PTPRB: variants seen among roughly 807,000 people sequenced by gnomAD.
PTPRB encodes receptor-type tyrosine-protein phosphatase beta.
In PTPRB, 97 loss-of-function variants were observed where a neutral mutation model predicts 238.1. The ratio of observed to expected loss-of-function variants is 0.41; its 90% CI spans 0.35 to 0.48. The LOEUF (loss-of-function observed/expected upper bound fraction) is 0.48. Among genes scored for constraint, PTPRB ranks in the 20% least tolerant of loss-of-function variants. The probability of loss-of-function intolerance (pLI) is 0.30; values close to 1 mark genes in which losing one functional copy is unlikely to be tolerated. For synonymous variants in PTPRB, 970 were observed against 995.4 expected (o/e 0.97, Z 0.48); for missense variants, 2,292 against 2,681.9 (o/e 0.85, Z 3.21).
chr12:70,592,221 T>G (rs547007207), intron 7 of PTPRB, 61 bp downstream of exon 7: 1 of 1,608,996 alleles, frequency 6.2e-7, no homozygotes, highest in African/African-American at 1.3e-5. Context: ...TTTGTCCTAT[T>G]TTAAGGTGGA....
chr12:70,555,787 A>T lies in PTPRB; in HGVS notation c.4993+83T>A. The T allele has an allele frequency of 2.0e-6, 3 of 1,486,310 alleles. No individual in the cohort carries two copies. In the South Asian group the frequency reaches 3.9e-5, roughly 19 times the overall value. 92.1% of individuals were successfully genotyped at this position (1,486,310 alleles called of 1,614,324 possible). A position where few individuals can be genotyped will look rare whatever the true frequency, so the allele number is the denominator to read the frequency against. On this transcript the variant is annotated intron_variant, in intron 19 of 33. Coordinates refer to ENST00000334414, the MANE Select transcript of PTPRB (RefSeq NM_001109754.4). Reference sequence around the variant, plus strand: ...AGTGAAGTGTATGCAAGTGAATAGCAGTGATGGATATGATAGAGAAAGGTG... The same window carrying T: ...AGTGAAGTGTATGCAAGTGAATAGCTGTGATGGATATGATAGAGAAAGGTG...
chr12:70,528,421 T>C (rs1872707997), intron 32 of PTPRB, among the ~76,000 whole-genome samples: 1 of 151,960 alleles, frequency 6.6e-6, no homozygotes, highest in Non-Finnish European at 1.5e-5. Context: ...CGAAGGATCA[T>C]TAGGGCAGAG....
rs80004383 is a variant in PTPRB at position 70,526,589 on chromosome 12, A to C, written c.6505-1998T>G. 6.9e-3 allele frequency among the ~76,000 whole-genome samples: 1,046 copies of C among 152,282 alleles called. 14 individuals are homozygous for C. The highest frequency in any genetic ancestry group is 0.024 in the African/African-American group (982 of 41,534). On this transcript the variant is annotated intron_variant, in intron 32 of 33. Transcript: ENST00000334414. ...CTATTCTCTGCTTTTCTGCTCACAG[A>C]CCTTTGTCATTTATTATGAATGTTA... is the stretch of plus-strand genomic sequence containing the variant.
chr12:70,517,288 A>AC lies in PTPRB; in HGVS notation c.*4200dup, dbSNP rs1395825245. The AC allele has an allele frequency of 1.3e-5, 2 of 152,354 alleles. No homozygotes were observed. Among genetic ancestry groups the AC allele is most frequent in the African/African-American group, 4.8e-5 (2 of 41,586 alleles). The allele number at this position is 152,354 out of a possible 1,614,324, so 9.4% of individuals were successfully genotyped here. On this transcript the variant is annotated 3_prime_UTR_variant, in exon 34 of 34. Coordinates refer to ENST00000334414, the MANE Select transcript of PTPRB (RefSeq NM_001109754.4). ...CAACATGTCCTAATAGAAACGTGTG[A>AC]CAGGATTGTCCAAGCACACCCAGGC...
At chr12:70,631,578 T>A (rs1357528401) in intron 2 of PTPRB, among the ~76,000 whole-genome samples, 1 of 151,652 alleles carries the variant, frequency 6.6e-6, no homozygotes. Context: ...AATAGACAAA[T>A]GGGATCTAAT....
Position 70,581,372 on chromosome 12 carries a change from C to A in PTPRB, c.2312-70G>T, listed in dbSNP as rs1881377190. On this transcript the variant is annotated intron_variant, in intron 9 of 33. Coordinates refer to ENST00000334414, the MANE Select transcript of PTPRB (RefSeq NM_001109754.4). The stretch of plus-strand genomic sequence containing the variant: ...TTAAGAAAGTGTAAGAAAAATGAGT[C>A]AAAAAATGGAGACAGACTTGAAAGT... 24 of 1,453,378 alleles carry A rather than the reference C, an allele frequency of 1.7e-5. No individual in the cohort carries two copies. In the South Asian group the frequency reaches 3.0e-4, roughly 18 times the overall value. The allele number at this position is 1,453,378 out of a possible 1,614,324, so 90.0% of individuals were successfully genotyped here.
intron 3 of PTPRB, among the ~76,000 whole-genome samples, chr12:70,610,191 G>A (rs780815261): frequency 2.4e-4 from 36 of 152,196 alleles, no homozygotes; most frequent in Non-Finnish European, 1.5e-5. Context: ...CAACGCCTGA[G>A]CCTGCCAAGG....
At chr12:70,539,325 A>G in intron 26 of PTPRB, 1 of 536,806 alleles carries the variant, frequency 1.9e-6, no homozygotes, top group South Asian at 2.7e-5. Context: ...AGCCAAGCAA[A>G]TGGCCAGGCT....
chr12:70,626,061 A>G (rs976856848), intron 2 of PTPRB, among the ~76,000 whole-genome samples: 4 of 152,200 alleles, frequency 2.6e-5, no homozygotes, highest in Admixed American at 6.6e-5. Flanking sequence ...TAAAGATAAT[A>G]TATTGTGTAA....
At chr12:70,557,670 G>T (rs2136317349) in intron 18 of PTPRB, among the ~76,000 whole-genome samples, 1 of 152,328 alleles carries the variant, frequency 6.6e-6, no homozygotes. Flanking sequence ...CCATTTGGCT[G>T]TGTAAGAAAT....
At chr12:70,531,649 C>T (rs1317914958) in intron 32 of PTPRB, among the ~76,000 whole-genome samples, 2 of 152,038 alleles carry the variant, frequency 1.3e-5, no homozygotes, top group Non-Finnish European at 2.9e-5. Flanking sequence ...TCAAAAATGC[C>T]CTGCAAATGT....
chr12:70,595,906 C>T (rs1882968407), intron 5 of PTPRB, 143 bp downstream of exon 5: 4 of 801,632 alleles, frequency 5.0e-6, no homozygotes, highest in African/African-American at 3.5e-5. Context: ...CCACTGTATC[C>T]CACAAGCTCC....
At chr12:70,564,736 G>C (rs1428993207) in intron 15 of PTPRB, among the ~76,000 whole-genome samples, 1 of 151,740 alleles carries the variant, frequency 6.6e-6, no homozygotes, top group Non-Finnish European at 1.5e-5. Context: ...GGGAGGTTGA[G>C]ATGGGAGGAT....
At chr12:70,582,721 A>G (rs947682744) in intron 9 of PTPRB, among the ~76,000 whole-genome samples, 1 of 152,118 alleles carries the variant, frequency 6.6e-6, no homozygotes, top group Non-Finnish European at 1.5e-5. Context: ...CTAGGAGAAA[A>G]CCTTTGTGAC....
intron 2 of PTPRB, among the ~76,000 whole-genome samples, chr12:70,627,190 G>T (rs79822877): frequency 0.031 from 4,700 of 152,232 alleles, 99 homozygotes; most frequent in Non-Finnish European, 0.046. Context: ...GACTGAAATA[G>T]TAGGGTGGAA....
chr12:70,585,096 G>C (rs879758055), intron 9 of PTPRB: 1 of 151,728 alleles, frequency 6.6e-6, no homozygotes, highest in East Asian at 1.9e-4. Context: ...GAGTATCTGG[G>C]ATTACAGGTA....
intron 2 of PTPRB, among the ~76,000 whole-genome samples, chr12:70,631,010 A>G (rs1489260110): frequency 6.6e-6 from 1 of 152,256 alleles, no homozygotes; most frequent in Admixed American, 6.5e-5. Flanking sequence ...TGCCCAAGGT[A>G]ATTTATAGAT....
At chr12:70,531,485 G>T (rs1332421163) in intron 32 of PTPRB, among the ~76,000 whole-genome samples, 1 of 152,118 alleles carries the variant, frequency 6.6e-6, no homozygotes, top group Non-Finnish European at 1.5e-5. Context: ...AAGGGCCCAG[G>T]TTTCTCTAGA....
At chr12:70,583,381 A>C (rs1421503586) in intron 9 of PTPRB, among the ~76,000 whole-genome samples, 1 of 152,188 alleles carries the variant, frequency 6.6e-6, no homozygotes, top group Non-Finnish European at 1.5e-5. Context: ...TCAAAGGCCA[A>C]AAAGTAAAGG....
Sources: allele counts gnomAD v4.1 joint callset (sites outside exome capture counted in the v4.1 genomes callset), GRCh38; gene constraint gnomAD v4.1.1; transcripts MANE v1.5; gene names NCBI Gene and HGNC (gene_info 2026-07-23, HGNC 2026-07-21).